Variants in ADAMTSL1 observed in about 807,000 individuals in gnomAD.
ADAMTSL1 encodes ADAMTS-like protein 1.
A neutral mutation model predicts 201.8 loss-of-function variants in ADAMTSL1; 126 were observed. The ratio of observed to expected loss-of-function variants is 0.62; its 90% CI spans 0.54 to 0.72. The LOEUF is 0.72. Ranked by LOEUF, ADAMTSL1 falls within the 30% of genes least tolerant of loss-of-function variation. The pLI is 0.00. For synonymous variants in ADAMTSL1, 1,121 were observed against 903.4 expected, an observed-to-expected ratio of 1.24 and a Z score of -4.32; for missense variants, 2,679 against 2,277.8, an observed-to-expected ratio of 1.18 and a Z score of -3.59.
intron 2 of ADAMTSL1, among the ~76,000 whole-genome samples, chr9:18,254,742 T>G (rs953008414): frequency 7.5e-5 from 11 of 146,666 alleles, no homozygotes; most frequent in Admixed American, 6.4e-4. Flanking sequence ...AGTGGAGCAT[T>G]TTACAATCAT....
intron 21 of ADAMTSL1, among the ~76,000 whole-genome samples, chr9:18,817,738 A>C (rs539849384): frequency 2.0e-5 from 3 of 152,368 alleles, no homozygotes; most frequent in African/African-American, 7.2e-5. Context: ...CAGAAAGGCC[A>C]AGTAAGACCC....
chr9:18,306,618 T>G (rs923328822), intron 2 of ADAMTSL1, among the ~76,000 whole-genome samples: 1 of 151,932 alleles, frequency 6.6e-6, no homozygotes, highest in African/African-American at 2.4e-5. Flanking sequence ...CTTGATGAAA[T>G]AGACCATGAA....
intron 2 of ADAMTSL1, among the ~76,000 whole-genome samples, chr9:18,170,896 A>G (rs1464343705): frequency 1.3e-5 from 2 of 152,030 alleles, no homozygotes; most frequent in African/African-American, 4.8e-5. Context: ...TTTATATTTC[A>G]TTGTACCAGG....
At chr9:18,785,358 G>A (rs1821643941) in intron 19 of ADAMTSL1, among the ~76,000 whole-genome samples, 1 of 152,162 alleles carries the variant, frequency 6.6e-6, no homozygotes, top group Admixed American at 6.5e-5. Context: ...AGCTGATGAG[G>A]CTTTTGTTTT....
chr9:18,899,416 T>C (rs1485684283), intron 26 of ADAMTSL1, among the ~76,000 whole-genome samples: 1 of 152,158 alleles, frequency 6.6e-6, no homozygotes, highest in Admixed American at 6.5e-5. Flanking sequence ...TAAACTACCA[T>C]TGACATTCAT....
In ADAMTSL1 at chr9:18,886,197, TATATATATATATATAC is replaced by T. The variant is rs1264748651; in HGVS notation, c.4250-1632_4250-1617del. Among the ~76,000 whole-genome samples, 115 of 128,644 alleles carry T rather than the reference TATATATATATATATAC, an allele frequency of 8.9e-4. 1 individual carries two copies. Among genetic ancestry groups the T allele is most frequent in the African/African-American group, 2.9e-3 (99 of 33,666 alleles). The allele number at this position is 128,644 out of a possible 152,430, so 84.4% of individuals were successfully genotyped here. A position where few individuals can be genotyped will look rare whatever the true frequency, so the allele number is the denominator to read the frequency against. On this transcript the variant is annotated intron_variant, in intron 23 of 28. Coordinates refer to ENST00000380548, the MANE Select transcript of ADAMTSL1 (RefSeq NM_001040272.6). ...ATATATATATATATATATATATATATATATATATATATATACACACACATACATATACATACATACA... is the reference window on the plus strand; with the variant it reads ...ATATATATATATATATATATATATATACACACATACATATACATACATACA...
intron 23 of ADAMTSL1, among the ~76,000 whole-genome samples, chr9:18,870,446 T>C (rs966801391): frequency 2.0e-5 from 3 of 152,244 alleles, no homozygotes; most frequent in African/African-American, 7.2e-5. Flanking sequence ...CTCTGCTCTG[T>C]TCTTTTAGCT....
intron 1 of ADAMTSL1, among the ~76,000 whole-genome samples, chr9:18,070,486 A>AT (rs1822916689): frequency 6.6e-6 from 1 of 152,202 alleles, no homozygotes; most frequent in African/African-American, 2.4e-5. Context: ...GAGGTAGGGA[A>AT]TAGGAATGTA....
rs553473429 is a variant in ADAMTSL1, at chr9:18,714,582, G to T, written c.1877-6954G>T. The stretch of plus-strand genomic sequence containing the variant: ...ATCTCTGAAGATAGACCAATAACAG[G>T]ATCTGAAATTGTGGCAATAATCAAT... On this transcript the variant is annotated intron_variant, in intron 14 of 28. Coordinates refer to ENST00000380548, the MANE Select transcript of ADAMTSL1 (RefSeq NM_001040272.6). Among the ~76,000 whole-genome samples the T allele has an allele frequency of 2.9e-4, 42 of 143,652 alleles. 1 individual carries two copies. The highest frequency in any genetic ancestry group is 8.7e-4 in the African/African-American group (35 of 40,340). The allele number at this position is 143,652 out of a possible 152,430, so 94.2% of individuals were successfully genotyped here.
At chr9:18,693,473 T>C (rs936413987) in intron 13 of ADAMTSL1, among the ~76,000 whole-genome samples, 7 of 152,204 alleles carry the variant, frequency 4.6e-5, no homozygotes, top group African/African-American at 1.2e-4. Context: ...GGAGTTTTCT[T>C]ATGGTTTCTA....
At chr9:18,838,726 A>G (rs1179877729) in intron 23 of ADAMTSL1, among the ~76,000 whole-genome samples, 1 of 151,620 alleles carries the variant, frequency 6.6e-6, no homozygotes, top group Non-Finnish European at 1.5e-5. Flanking sequence ...GCTGCTTGGG[A>G]GGCTGAGGTG....
intron 7 of ADAMTSL1, among the ~76,000 whole-genome samples, chr9:18,657,067 G>T (rs1828732891): frequency 6.6e-6 from 1 of 152,116 alleles, no homozygotes; most frequent in African/African-American, 2.4e-5. Context: ...ATCAACATTT[G>T]AATTACCTAG....
chr9:18,565,580 A>T (rs1821835902), intron 3 of ADAMTSL1, among the ~76,000 whole-genome samples: 1 of 151,950 alleles, frequency 6.6e-6, no homozygotes, highest in South Asian at 2.1e-4. Context: ...AAAAAAAAAA[A>T]AAAAAGCCTG....
intron 1 of ADAMTSL1, among the ~76,000 whole-genome samples, chr9:18,154,793 G>C (rs985294280): frequency 1.3e-5 from 2 of 152,066 alleles, no homozygotes; most frequent in African/African-American, 4.8e-5. Flanking sequence ...GGGAAGAAAA[G>C]AGTGGACATT....
At chr9:18,739,152 T>A in intron 15 of ADAMTSL1, among the ~76,000 whole-genome samples, 1 of 152,222 alleles carries the variant, frequency 6.6e-6, no homozygotes, top group East Asian at 1.9e-4. Context: ...CTTACAGCAG[T>A]ACCCAGCACA....
At chr9:18,066,507 C>G (rs1020022317) in intron 1 of ADAMTSL1, among the ~76,000 whole-genome samples, 1 of 152,162 alleles carries the variant, frequency 6.6e-6, no homozygotes, top group Non-Finnish European at 1.5e-5. Context: ...CCTATATATA[C>G]AGAAAGCAAG....
chr9:18,113,756 A>G (rs1464260594), intron 1 of ADAMTSL1, among the ~76,000 whole-genome samples: 1 of 152,118 alleles, frequency 6.6e-6, no homozygotes, highest in African/African-American at 2.4e-5. Flanking sequence ...AATATTAACT[A>G]TATTATGTAT....
At chr9:18,480,620 G>A (rs1424443096) in intron 1 of ADAMTSL1, among the ~76,000 whole-genome samples, 1 of 152,182 alleles carries the variant, frequency 6.6e-6, no homozygotes, top group Non-Finnish European at 1.5e-5. Context: ...AAACTTTTAA[G>A]AAATAACATA....
intron 1 of ADAMTSL1, among the ~76,000 whole-genome samples, chr9:18,047,808 A>C (rs1821736687): frequency 6.6e-6 from 1 of 152,216 alleles, no homozygotes; most frequent in Non-Finnish European, 1.5e-5. Context: ...GTATTTCGCC[A>C]ATTACTTGGT....
Sources: gnomAD v4.1 joint callset for allele counts (sites outside exome capture counted in the v4.1 genomes callset) on GRCh38, gnomAD v4.1.1 for gene constraint, MANE v1.5 for transcripts, NCBI Gene and HGNC (gene_info 2026-07-23, HGNC 2026-07-21) for gene names.